The following ADAMTSL1 variants were observed in gnomAD, a reference collection of about 807,000 sequenced individuals.
ADAMTSL1 encodes ADAMTS like 1.
Under a neutral mutation model 201.8 loss-of-function variants are expected in ADAMTSL1, and 126 were observed. The ratio of observed to expected loss-of-function variants is 0.62; its 90% confidence interval spans 0.54 to 0.72. The LOEUF is 0.72. ADAMTSL1 is among the 30% of genes least tolerant of loss of function. The pLI, the probability that ADAMTSL1 is intolerant of heterozygous loss-of-function variation, is 0.00. For missense variants in ADAMTSL1, 2,679 were observed against 2,277.8 expected (o/e 1.18, Z -3.59); for synonymous variants, 1,121 against 903.4 (o/e 1.24, Z -4.32).
At chr9:18,164,387 T>C (rs1563777970) in intron 2 of ADAMTSL1, among the ~76,000 whole-genome samples, 1 of 151,940 alleles carries the variant, frequency 6.6e-6, no homozygotes, top group Non-Finnish European at 1.5e-5. Flanking sequence ...GGCTTCTTTG[T>C]AGATATTCTT....
At chr9:18,469,058 A>G (rs1821110265) in intron 2 of ADAMTSL1, among the ~76,000 whole-genome samples, 1 of 152,176 alleles carries the variant, frequency 6.6e-6, no homozygotes, top group Non-Finnish European at 1.5e-5. Context: ...ACCTTTCTCT[A>G]CTTTCTCTCT....
chr9:18,590,080 G>A (rs2132471079), intron 4 of ADAMTSL1, among the ~76,000 whole-genome samples: 1 of 152,138 alleles, frequency 6.6e-6, no homozygotes, highest in East Asian at 1.9e-4. Context: ...TGGCCTCATT[G>A]GATAAGTTTG....
At chr9:18,243,741 T>G (rs891351404) in intron 2 of ADAMTSL1, among the ~76,000 whole-genome samples, 1 of 151,214 alleles carries the variant, frequency 6.6e-6, no homozygotes, top group Non-Finnish European at 1.5e-5. Context: ...TCCCATCTTC[T>G]GTCCACAGAC....
chr9:17,942,873 A>G (rs948560413), intron 1 of ADAMTSL1, among the ~76,000 whole-genome samples: 1 of 152,162 alleles, frequency 6.6e-6, no homozygotes, highest in Non-Finnish European at 1.5e-5. Context: ...CCATCAGTAC[A>G]TTCCATCTGA....
intron 1 of ADAMTSL1, among the ~76,000 whole-genome samples, chr9:17,923,967 G>T (rs1826414085): frequency 7.6e-6 from 1 of 131,260 alleles, no homozygotes; most frequent in South Asian, 3.1e-4. Context: ...GCATCCCAGG[G>T]ATGAAGCCCA....
chr9:18,149,422 T>C (rs1466707623), intron 1 of ADAMTSL1, among the ~76,000 whole-genome samples: 1 of 151,866 alleles, frequency 6.6e-6, no homozygotes, highest in Non-Finnish European at 1.5e-5. Context: ...CAGAAAAGGC[T>C]TTGGGGGCCT....
chr9:18,172,380 G>T (rs1044331263), intron 2 of ADAMTSL1, among the ~76,000 whole-genome samples: 1 of 151,850 alleles, frequency 6.6e-6, no homozygotes, highest in Non-Finnish European at 1.5e-5. Context: ...CATGAAAGAG[G>T]TTCTCAGCCT....
At chr9:18,011,701 C>A (rs973267006) in intron 1 of ADAMTSL1, among the ~76,000 whole-genome samples, 3 of 152,034 alleles carry the variant, frequency 2.0e-5, no homozygotes, top group African/African-American at 7.2e-5. Context: ...TGTCAAATAT[C>A]ATGGAGCCTC....
chr9:18,427,657 G>C (rs1157949048), intron 2 of ADAMTSL1, among the ~76,000 whole-genome samples: 2 of 152,216 alleles, frequency 1.3e-5, no homozygotes, highest in African/African-American at 4.8e-5. Flanking sequence ...AAACTCTCAG[G>C]AGATTTTCTT....
At chr9:18,249,973 C>T (rs1032365314) in intron 2 of ADAMTSL1, among the ~76,000 whole-genome samples, 4 of 152,160 alleles carry the variant, frequency 2.6e-5, no homozygotes, top group Non-Finnish European at 4.4e-5. Flanking sequence ...AAAATATATA[C>T]TTATTACAAA....
At chr9:18,683,230 G>GTTTTTTT (rs60751848) in intron 12 of ADAMTSL1, among the ~76,000 whole-genome samples, 2 of 143,662 alleles carry the variant, frequency 1.4e-5, no homozygotes, top group Admixed American at 7.0e-5. Flanking sequence ...GGTTTTTTTT[G>GTTTTTTT]TTTTTTTTTT....
intron 2 of ADAMTSL1, among the ~76,000 whole-genome samples, chr9:18,174,606 A>G (rs1257196325): frequency 2.0e-5 from 3 of 152,202 alleles, no homozygotes; most frequent in South Asian, 4.1e-4. Context: ...ATGGATACAC[A>G]TGACTTTTTT....
At chr9:18,393,728 T>C (rs1312458490) in intron 2 of ADAMTSL1, among the ~76,000 whole-genome samples, 1 of 152,150 alleles carries the variant, frequency 6.6e-6, no homozygotes, top group Non-Finnish European at 1.5e-5. Context: ...GCCTTACTTT[T>C]AAGAGAGAAC....
intron 2 of ADAMTSL1, among the ~76,000 whole-genome samples, chr9:18,180,406 G>A (rs1456265458): frequency 2.3e-4 from 35 of 151,282 alleles, no homozygotes; most frequent in East Asian, 1.4e-3. Context: ...AGTGGCGGGC[G>A]CCTGTAGTCC....
intron 2 of ADAMTSL1, among the ~76,000 whole-genome samples, chr9:18,214,942 T>C (rs1830009078): frequency 6.6e-6 from 1 of 152,164 alleles, no homozygotes; most frequent in African/African-American, 2.4e-5. Context: ...GTAGTCTTTA[T>C]TGAAAGAAGA....
chr9:18,137,528 C>T (rs963236095), intron 1 of ADAMTSL1, among the ~76,000 whole-genome samples: 2 of 152,098 alleles, frequency 1.3e-5, no homozygotes, highest in African/African-American at 4.8e-5. Context: ...GTAAGTCCTT[C>T]TGTAGTTGCT....
intron 2 of ADAMTSL1, among the ~76,000 whole-genome samples, chr9:18,290,264 C>G (rs1423556820): frequency 6.7e-6 from 1 of 149,622 alleles, no homozygotes; most frequent in Non-Finnish European, 1.5e-5. Flanking sequence ...TTGAAAGCCG[C>G]TATGCCAGGG....
chr9:18,696,820 A>T (rs1260653795), intron 13 of ADAMTSL1, among the ~76,000 whole-genome samples: 1 of 151,694 alleles, frequency 6.6e-6, no homozygotes, highest in African/African-American at 2.4e-5. Flanking sequence ...TCAAAAGGGT[A>T]CAATCATAAG....
At chr9:18,276,126 C>T (rs1305587246) in intron 2 of ADAMTSL1, among the ~76,000 whole-genome samples, 3 of 151,420 alleles carry the variant, frequency 2.0e-5, no homozygotes, top group East Asian at 3.9e-4. Context: ...TGCTTATTTG[C>T]CATTTGTATA....
Sources: gnomAD v4.1 joint callset for allele counts (sites outside exome capture counted in the v4.1 genomes callset) on GRCh38, gnomAD v4.1.1 for gene constraint, MANE v1.5 for transcripts, NCBI Gene and HGNC (gene_info 2026-07-23, HGNC 2026-07-21) for gene names.